Variants in EIF3B observed in about 807,000 individuals in gnomAD.
EIF3B encodes the protein eukaryotic translation initiation factor 3 subunit B.
A neutral mutation model predicts 104.6 loss-of-function variants in EIF3B; 10 were observed. The observed-to-expected ratio is 0.10, with a 90% CI of 0.06 to 0.16. The LOEUF (loss-of-function observed/expected upper bound fraction) is 0.16. EIF3B is among the 10% of genes least tolerant of loss of function. EIF3B has a pLI of 1.00. For synonymous variants in EIF3B, 542 were observed against 417.2 expected, an observed-to-expected ratio of 1.30 and a Z score of -3.65; for missense variants, 1,014 against 1,087.9, an observed-to-expected ratio of 0.93 and a Z score of 0.96.
At chr7:2,367,826 T>TTA in intron 9 of EIF3B, among the ~76,000 whole-genome samples, 11 of 6,776 alleles carry the variant, frequency 1.6e-3, no homozygotes, top group Non-Finnish European at 2.1e-3. Context: ...TTTTTTAAAA[T>TTA]TTTTTTTTTT....
Position 2,367,255 on chromosome 7 carries a change from G to T in EIF3B, c.1403+210G>T, listed in dbSNP as rs75069053. 634 of 522,366 alleles carry T rather than the reference G, an allele frequency of 1.2e-3. 2 individuals are homozygous for T. Among genetic ancestry groups the T allele is most frequent in the African/African-American group, 0.011 (562 of 51,168 alleles). 32.4% of individuals were successfully genotyped at this position (522,366 alleles called of 1,614,324 possible). On this transcript the variant is annotated intron_variant, in intron 9 of 18. Transcript: ENST00000360876. ...CTCCCTCCTAGTGGACAGCCCCTCG[G>T]TCCAGCCTTCCCTGGAGGAAGGCCT...
intron 12 of EIF3B, 96 bp downstream of exon 12, chr7:2,372,891 C>T (rs1471594558): frequency 1.4e-6 from 2 of 1,398,256 alleles, no homozygotes; most frequent in Non-Finnish European, 1.9e-6. Context: ...CCTAGGACCA[C>T]TGCTGGGCAG....
At chr7:2,362,618 A>T in intron 2 of EIF3B, 27 bp from the exon 3 acceptor site, 1 of 1,613,854 alleles carries the variant, frequency 6.2e-7, no homozygotes, top group Non-Finnish European at 8.5e-7. Context: ...CAGTGTGGGT[A>T]TGTGCCAACG....
intron 10 of EIF3B, 149 bp from the exon 11 acceptor site, chr7:2,371,628 G>A: frequency 1.5e-6 from 1 of 664,686 alleles, no homozygotes; most frequent in South Asian, 1.8e-5. Flanking sequence ...CTTCCATCCT[G>A]AGGGCTGTGG....
At chr7:2,358,422 G>A (rs1779567796) in intron 1 of EIF3B, among the ~76,000 whole-genome samples, 1 of 152,000 alleles carries the variant, frequency 6.6e-6, no homozygotes, top group East Asian at 1.9e-4. Flanking sequence ...TTGAGACGGA[G>A]TCTTGCTCTG....
At chr7:2,370,324 A>G (rs540566860) in intron 10 of EIF3B, among the ~76,000 whole-genome samples, 1 of 152,052 alleles carries the variant, frequency 6.6e-6, no homozygotes, top group East Asian at 2.0e-4. Context: ...TAAAAGTACA[A>G]TAATTAGCTG....
rs753509340 is a variant in EIF3B at position 2,362,767 on chromosome 7, G to A, written c.812+3G>A. 3.1e-6 allele frequency: 5 copies of A among 1,614,158 alleles called. No individual in the cohort carries two copies. In the Admixed American group the frequency reaches 8.3e-5, roughly 27 times the overall value. On this transcript the variant is annotated splice_donor_region_variant and intron_variant, in intron 3 of 18. Coordinates refer to ENST00000360876, the MANE Select transcript of EIF3B (RefSeq NM_001037283.2). ...AACCTCTTTACGGATTTTGACAAGT[G>A]AGTTCAGACTTGGCCACAAGGAAGT...
rs1562484070 is a variant in EIF3B, at chr7:2,367,821, TAAA to T, written c.1403+778_1403+780del. 1.4e-4 allele frequency among the ~76,000 whole-genome samples: 20 copies of T among 139,638 alleles called. No homozygotes were observed. The South Asian group carries it at 2.1e-3, about 14-fold the overall frequency. The allele number at this position is 139,638 out of a possible 152,430, so 91.6% of individuals were successfully genotyped here. A position where few individuals can be genotyped will look rare whatever the true frequency, so the allele number is the denominator to read the frequency against. On this transcript the variant is annotated intron_variant, in intron 9 of 18. Coordinates refer to ENST00000360876, the MANE Select transcript of EIF3B (RefSeq NM_001037283.2). Reference sequence around the variant, plus strand: ...GAAAACGGTGAGTTTGTTCTTTTTTTAAAATTTTTTTTTTTTTTTTTTTTTTTT... The same window carrying T: ...GAAAACGGTGAGTTTGTTCTTTTTTTATTTTTTTTTTTTTTTTTTTTTTTT...
At chr7:2,363,045 C>T in intron 3 of EIF3B, 25 bp from the exon 4 acceptor site, 2 of 1,613,622 alleles carry the variant, frequency 1.2e-6, no homozygotes, top group Non-Finnish European at 1.7e-6. Flanking sequence ...GGGCGTGGGG[C>T]TCAGCAGTCT....
At chr7:2,369,728 T>G in intron 10 of EIF3B, 46 bp downstream of exon 10, 33 of 1,509,494 alleles carry the variant, frequency 2.2e-5, no homozygotes, top group Non-Finnish European at 2.8e-5. Context: ...TCCTGAGCTC[T>G]GAAGTGGCCA....
rs759475355 is a variant in EIF3B, at chr7:2,363,100, T to G, written c.843T>G (p.Ile281Met). ...KYMTISDEWD[I>M]PEKQPFKDLG... ...TGACGATCAGTGACGAGTGGGATATTCCAGAGAAACAGCCTTTCAAAGACC... is the reference window on the plus strand; with the variant it reads ...TGACGATCAGTGACGAGTGGGATATGCCAGAGAAACAGCCTTTCAAAGACC... The change falls in exon 4 of 19, where the codon ATT (isoleucine) becomes ATG (methionine). Residue 281 changes from isoleucine to methionine, a missense_variant. Transcript: ENST00000360876. 7 of 1,614,070 alleles carry G rather than the reference T, an allele frequency of 4.3e-6. No individual in the cohort carries two copies. In the Middle Eastern group the frequency reaches 6.6e-4, roughly 152 times the overall value.
intron 6 of EIF3B, 124 bp downstream of exon 6, chr7:2,364,653 A>C (rs991257232): frequency 5.7e-6 from 5 of 875,626 alleles, no homozygotes; most frequent in Non-Finnish European, 8.8e-6. Context: ...GCAGAACGCT[A>C]ATAAGCTTTT....
intron 5 of EIF3B, among the ~76,000 whole-genome samples, chr7:2,364,120 G>A (rs1779881858): frequency 6.6e-6 from 1 of 152,182 alleles, no homozygotes; most frequent in Admixed American, 6.5e-5. Flanking sequence ...AAATTAGCTG[G>A]GCATGGTGGC....
intron 15 of EIF3B, chr7:2,378,350 T>C: frequency 3.4e-6 from 1 of 291,958 alleles, no homozygotes; most frequent in Non-Finnish European, 6.3e-6. Context: ...TGACCCTTGG[T>C]GTCATGGAGG....
chr7:2,362,894 A>G, intron 3 of EIF3B, 130 bp downstream of exon 3: 1 of 1,488,852 alleles, frequency 6.7e-7, no homozygotes, highest in East Asian at 2.3e-5. Context: ...AGGCTGCCGC[A>G]GAGCCATTTC....
Position 2,372,807 on chromosome 7 carries a change from G to T in EIF3B, c.1810+12G>T. 1 of 1,612,828 alleles carries T rather than the reference G, an allele frequency of 6.2e-7. No individual in the cohort carries two copies. Among genetic ancestry groups the T allele is most frequent in the Non-Finnish European group, 8.5e-7 (1 of 1,179,270 alleles). The stretch of plus-strand genomic sequence containing the variant: ...GATTGAACTCATCAGTAAGTAACCT[G>T]GTCCCTTTCCTCTTCTGAGTAGGTC... On this transcript the variant is annotated intron_variant, in intron 12 of 18. Coordinates refer to ENST00000360876, the MANE Select transcript of EIF3B (RefSeq NM_001037283.2).
chr7:2,371,537 G>A (rs994896701), intron 10 of EIF3B, among the ~76,000 whole-genome samples: 1 of 152,196 alleles, frequency 6.6e-6, no homozygotes, highest in African/African-American at 2.4e-5. Flanking sequence ...CTGGAGGTGG[G>A]ATCTGGGTCA....
At position 2,355,080 on chromosome 7, in the gene EIF3B, G is replaced by C; in HGVS notation, c.159G>C (p.Glu53Asp). 1 of 1,308,926 alleles carries C rather than the reference G, an allele frequency of 7.6e-7. No individual in the cohort carries two copies. Among genetic ancestry groups the C allele is most frequent in the Non-Finnish European group, 9.7e-7 (1 of 1,031,510 alleles). The allele number at this position is 1,308,926 out of a possible 1,614,324, so 81.1% of individuals were successfully genotyped here. A position where few individuals can be genotyped will look rare whatever the true frequency, so the allele number is the denominator to read the frequency against. ...PEAAGTEASS[E>D]EVGIAEAGPE... ...CCGCGGGGACCGAGGCCTCCAGTGA[G>C]GAGGTGGGGATCGCGGAGGCCGGGC... Residue 53 changes from glutamate (E) to aspartate (D), a missense_variant, in exon 1 of 19, where the codon GAG (glutamate) becomes GAC (aspartate). By Grantham distance (45) the Glu-to-Asp change is conservative. This residue lies in a region of EIF3B where 488 missense variants were observed against 404.3 expected (regional missense o/e 1.21). Coordinates refer to ENST00000360876, the MANE Select transcript of EIF3B (RefSeq NM_001037283.2).
At chr7:2,366,033 G>A (rs1457760249) in intron 6 of EIF3B, among the ~76,000 whole-genome samples, 3 of 152,152 alleles carry the variant, frequency 2.0e-5, no homozygotes, top group Non-Finnish European at 4.4e-5. Flanking sequence ...TAAAGATAGA[G>A]TTCCACACTG....
Sources: allele counts gnomAD v4.1 joint callset (sites outside exome capture counted in the v4.1 genomes callset), GRCh38; gene constraint gnomAD v4.1.1; regional missense constraint gnomAD v4.1.1; transcripts MANE v1.5; gene names NCBI Gene and HGNC (gene_info 2026-07-23, HGNC 2026-07-21).